PRKAG2: variants seen among roughly 807,000 people sequenced by gnomAD.
PRKAG2 encodes the protein 5'-AMP-activated protein kinase subunit gamma-2.
A neutral mutation model predicts 69.6 loss-of-function variants in PRKAG2; 26 were observed. The ratio of observed to expected loss-of-function variants is 0.37; its 90% CI spans 0.27 to 0.52. PRKAG2 has a LOEUF of 0.52. Ranked by LOEUF, PRKAG2 falls within the 20% of genes least tolerant of loss-of-function variation. PRKAG2 has a pLI of 0.90. For synonymous variants in PRKAG2, 293 were observed against 285.0 expected (o/e 1.03, Z -0.28); for missense variants, 557 against 740.0 (o/e 0.75, Z 2.87).
At chr7:151,571,333 A>C (rs943861221) in intron 9 of PRKAG2, among the ~76,000 whole-genome samples, 69 of 152,072 alleles carry the variant, frequency 4.5e-4, no homozygotes, top group Non-Finnish European at 9.0e-4. Flanking sequence ...TCGGCTTCCC[A>C]AAGTGCTGGG....
chr7:151,744,002 G>GC (rs1462047362), intron 3 of PRKAG2, among the ~76,000 whole-genome samples: 2 of 152,218 alleles, frequency 1.3e-5, no homozygotes, highest in Non-Finnish European at 2.9e-5. Context: ...ACACAGCAGA[G>GC]CTGGGGGCGA....
At chr7:151,630,159 G>A (rs1563298985) in intron 5 of PRKAG2, among the ~76,000 whole-genome samples, 1 of 152,092 alleles carries the variant, frequency 6.6e-6, no homozygotes, top group Non-Finnish European at 1.5e-5. Flanking sequence ...GATGGGTGAA[G>A]AGGGGAAATT....
Position 151,770,270 on chromosome 7 carries a change from G to C in PRKAG2, c.466+10882C>G, listed in dbSNP as rs115687378. 9.5e-4 allele frequency among the ~76,000 whole-genome samples: 144 copies of C among 152,278 alleles called. 2 individuals are homozygous for C. The highest frequency in any genetic ancestry group is 3.4e-3 in the African/African-American group (140 of 41,564). On this transcript the variant is annotated intron_variant, in intron 3 of 15. Transcript: ENST00000287878. ...TGGAGGCTGCACACAGACAGTCTTCGCATCCTTGGCTTCACCCTCTGACAT... is the reference window on the plus strand; with the variant it reads ...TGGAGGCTGCACACAGACAGTCTTCCCATCCTTGGCTTCACCCTCTGACAT...
intron 1 of PRKAG2, among the ~76,000 whole-genome samples, chr7:151,860,622 A>C (rs1351114083): frequency 2.0e-4 from 30 of 152,124 alleles, no homozygotes. Context: ...TGGGAGCCTG[A>C]GTGTTCTCTA....
At chr7:151,747,833 C>T (rs1418297675) in intron 3 of PRKAG2, among the ~76,000 whole-genome samples, 5 of 152,066 alleles carry the variant, frequency 3.3e-5, no homozygotes, top group Non-Finnish European at 2.9e-5. Context: ...ACATCACTCA[C>T]CTCAAATTCT....
intron 3 of PRKAG2, among the ~76,000 whole-genome samples, chr7:151,736,614 C>A (rs1045231493): frequency 3.3e-4 from 51 of 152,288 alleles, no homozygotes; most frequent in Admixed American, 3.3e-3. Flanking sequence ...CAGGGCCCCA[C>A]GGGGTCAGAA....
rs139291644 is a variant in PRKAG2, at chr7:151,819,593, A to C, written c.115-33052T>G. Reference sequence around the variant, plus strand: ...GTTCTAAAACTGCAGGATTGCAAAGACATTTGGAGTCATTAAGACCTTGTG... The same window carrying C: ...GTTCTAAAACTGCAGGATTGCAAAGCCATTTGGAGTCATTAAGACCTTGTG... On this transcript the variant is annotated intron_variant, in intron 1 of 15. Coordinates refer to ENST00000287878, the MANE Select transcript of PRKAG2 (RefSeq NM_016203.4). 4.5e-3 allele frequency among the ~76,000 whole-genome samples: 683 copies of C among 152,346 alleles called. 5 individuals carry two copies. The highest frequency in any genetic ancestry group is 0.016 in the African/African-American group (656 of 41,576).
chr7:151,758,808 AATAACAGCTAT>A (rs1385702134), intron 3 of PRKAG2, among the ~76,000 whole-genome samples: 1 of 152,214 alleles, frequency 6.6e-6, no homozygotes, highest in Non-Finnish European at 1.5e-5. Context: ...AGAGACTTAA[AATAACAGCTAT>A]ATTTCAGGGC....
chr7:151,813,599 T>G lies in PRKAG2; in HGVS notation c.115-27058A>C, dbSNP rs1344095389. 3.9e-5 allele frequency among the ~76,000 whole-genome samples: 6 copies of G among 152,160 alleles called. No individual in the cohort carries two copies. The East Asian group carries it at 1.2e-3, about 29-fold the overall frequency. On this transcript the variant is annotated intron_variant, in intron 1 of 15. Transcript: ENST00000287878. Reference sequence around the variant, plus strand: ...GCTCCGAATCTAGTACTTTCCAGCCTGCAGCTCTACTTGTTGCTGCAAATT... The same window carrying G: ...GCTCCGAATCTAGTACTTTCCAGCCGGCAGCTCTACTTGTTGCTGCAAATT...
chr7:151,747,386 G>A (rs370236164), intron 3 of PRKAG2, among the ~76,000 whole-genome samples: 3 of 152,186 alleles, frequency 2.0e-5, no homozygotes, highest in South Asian at 2.1e-4. Context: ...GTGAAACTCC[G>A]TCTCTACTAA....
intron 6 of PRKAG2, among the ~76,000 whole-genome samples, chr7:151,595,042 C>G (rs1374186317): frequency 6.6e-6 from 1 of 152,180 alleles, no homozygotes; most frequent in Non-Finnish European, 1.5e-5. Context: ...AGGTAATCTG[C>G]CAGCCTCGGC....
At chr7:151,665,213 G>A (rs1830871746) in intron 4 of PRKAG2, among the ~76,000 whole-genome samples, 1 of 152,102 alleles carries the variant, frequency 6.6e-6, no homozygotes. Flanking sequence ...CAGTGCCTAG[G>A]ACAGTGCCAA....
Position 151,572,726 on chromosome 7 carries a change from T to C in PRKAG2, c.1006-17A>G. ...AATCTGTACCTGCAAATAAAAAAAT[T>C]CTTATTTATAAATATACATATACAA... On this transcript the variant is annotated splice_polypyrimidine_tract_variant and intron_variant, in intron 8 of 15. Transcript: ENST00000287878. 1 of 1,490,842 alleles carries C rather than the reference T, an allele frequency of 6.7e-7. No homozygotes were observed. Among genetic ancestry groups the C allele is most frequent in the Non-Finnish European group, 9.3e-7 (1 of 1,079,470 alleles). The allele number at this position is 1,490,842 out of a possible 1,614,324, so 92.4% of individuals were successfully genotyped here.
chr7:151,827,745 T>TGAAAA (rs1367495239), intron 1 of PRKAG2, among the ~76,000 whole-genome samples: 1 of 52,248 alleles, frequency 1.9e-5, no homozygotes, highest in Non-Finnish European at 3.3e-5. Flanking sequence ...TGGCCTTAGG[T>TGAAAA]AAAAAAAAAA....
intron 3 of PRKAG2, among the ~76,000 whole-genome samples, chr7:151,749,356 C>T (rs1034870385): frequency 1.3e-5 from 2 of 152,160 alleles, no homozygotes; most frequent in African/African-American, 2.4e-5. Context: ...AACTGTAGTC[C>T]CCGGTATCCA....
Position 151,807,999 on chromosome 7 carries a change from C to A in PRKAG2, c.115-21458G>T, listed in dbSNP as rs1411277900. Among the ~76,000 whole-genome samples the A allele has an allele frequency of 6.6e-6, 1 of 152,104 alleles. No individual in the cohort carries two copies. Among genetic ancestry groups the A allele is most frequent in the Admixed American group, 6.5e-5 (1 of 15,282 alleles). ...CCCCTCCCTACAAACTACCCCCTTTCCCTCTGCCCAAGTGAGCACAGGGAC... is the reference window on the plus strand; with the variant it reads ...CCCCTCCCTACAAACTACCCCCTTTACCTCTGCCCAAGTGAGCACAGGGAC... On this transcript the variant is annotated intron_variant, in intron 1 of 15. Coordinates refer to ENST00000287878, the MANE Select transcript of PRKAG2 (RefSeq NM_016203.4). The surrounding 1 kb of genome is among the most constrained non-coding windows in gnomAD (Gnocchi z 4.4).
At position 151,556,983 on chromosome 7, in the gene PRKAG2, C is replaced by T. The variant is rs1288566365; in HGVS notation, c.*218G>A. 2 of 663,798 alleles carry T rather than the reference C, an allele frequency of 3.0e-6. No homozygotes were observed. The highest frequency in any genetic ancestry group is 3.6e-5 in the African/African-American group (2 of 55,030). 41.1% of individuals were successfully genotyped at this position (663,798 alleles called of 1,614,324 possible). A position where few individuals can be genotyped will look rare whatever the true frequency, so the allele number is the denominator to read the frequency against. On this transcript the variant is annotated 3_prime_UTR_variant, in exon 16 of 16. Coordinates refer to ENST00000287878, the MANE Select transcript of PRKAG2 (RefSeq NM_016203.4). ...ATGACATACAGCATTTAAAATCCTTCAGACAAAGGTCTGAAAACAGTCTTT... is the reference window on the plus strand; with the variant it reads ...ATGACATACAGCATTTAAAATCCTTTAGACAAAGGTCTGAAAACAGTCTTT...
At position 151,726,647 on chromosome 7, in the gene PRKAG2, G is replaced by A. The variant is rs556446802; in HGVS notation, c.467-51010C>T. Among the ~76,000 whole-genome samples the A allele has an allele frequency of 5.3e-5, 8 of 152,168 alleles. No homozygotes were observed. In the East Asian group the frequency reaches 7.7e-4, roughly 15 times the overall value. ...TGAAATGGAGTTGATGAACTTCAAC[G>A]CCGCACGCAGGCACGGCTGCATCTC... On this transcript the variant is annotated intron_variant, in intron 3 of 15. Transcript: ENST00000287878.
At chr7:151,864,461 C>T (rs1340122100) in intron 1 of PRKAG2, among the ~76,000 whole-genome samples, 1 of 152,226 alleles carries the variant, frequency 6.6e-6, no homozygotes, top group Non-Finnish European at 1.5e-5. Context: ...GCCACTTCCA[C>T]ACCTGGCAGG....
Sources: allele counts gnomAD v4.1 joint callset (sites outside exome capture counted in the v4.1 genomes callset), GRCh38; gene constraint gnomAD v4.1.1; non-coding constraint Gnocchi (gnomAD v3.1); transcripts MANE v1.5; gene names NCBI Gene and HGNC (gene_info 2026-07-23, HGNC 2026-07-21).